Variants in LRMDA observed in about 807,000 individuals in gnomAD.
The protein encoded by LRMDA is leucine rich melanocyte differentiation associated.
In LRMDA, 18 loss-of-function variants were observed where a neutral mutation model predicts 29.8. That is an observed-to-expected ratio of 0.60 (90% CI 0.42 to 0.90). The LOEUF is 0.90. Ranked by LOEUF, LRMDA falls within the 40% of genes least tolerant of loss-of-function variation. LRMDA has a pLI of 0.00. For missense variants in LRMDA, 273 were observed against 273.9 expected (o/e 1.00, Z 0.02); for synonymous variants, 125 against 109.4 (o/e 1.14, Z -0.89).
intron 6 of LRMDA, among the ~76,000 whole-genome samples, chr10:76,518,280 C>CATCTATCTATCTATCTATCT (rs10568061): frequency 1.3e-4 from 19 of 146,676 alleles, no homozygotes; most frequent in South Asian, 2.2e-4. Context: ...ATTTATCTAT[C>CATCTATCTATCTATCTATCT]ATCTATCTAT....
chr10:75,534,040 C>A (rs1463597338), intron 2 of LRMDA, among the ~76,000 whole-genome samples: 1 of 152,122 alleles, frequency 6.6e-6, no homozygotes, highest in African/African-American at 2.4e-5. Flanking sequence ...TCCTATAGAA[C>A]CCAGTTTCAA....
intron 5 of LRMDA, among the ~76,000 whole-genome samples, chr10:76,197,845 A>G (rs1738308477): frequency 6.6e-6 from 1 of 151,910 alleles, no homozygotes; most frequent in African/African-American, 2.4e-5. Flanking sequence ...GCTTGAACCC[A>G]GGAGGCAGAG....
chr10:75,444,602 GC>G (rs1383554331), intron 2 of LRMDA, among the ~76,000 whole-genome samples: 1 of 152,166 alleles, frequency 6.6e-6, no homozygotes. Flanking sequence ...CAGGCAGGGG[GC>G]ATGACATTTT....
chr10:75,470,423 G>C (rs991980536), intron 2 of LRMDA, among the ~76,000 whole-genome samples: 7 of 152,338 alleles, frequency 4.6e-5, no homozygotes, highest in Non-Finnish European at 8.8e-5. Context: ...CTTGAACCCA[G>C]GAGGTGGAGG....
At chr10:76,231,219 T>G (rs982127246) in intron 5 of LRMDA, among the ~76,000 whole-genome samples, 1 of 152,226 alleles carries the variant, frequency 6.6e-6, no homozygotes, top group Admixed American at 6.5e-5. Flanking sequence ...TGCTGGTTTT[T>G]ATATTTGAGA....
intron 6 of LRMDA, among the ~76,000 whole-genome samples, chr10:76,476,515 A>G (rs1044322219): frequency 6.6e-6 from 1 of 152,188 alleles, no homozygotes; most frequent in African/African-American, 2.4e-5. Context: ...ATTCCAATCA[A>G]TAGAAAAAGA....
At chr10:75,731,788 C>G (rs987173618) in intron 2 of LRMDA, among the ~76,000 whole-genome samples, 3 of 152,210 alleles carry the variant, frequency 2.0e-5, no homozygotes, top group Admixed American at 6.5e-5. Context: ...CAGGGCCTGG[C>G]ACATGGGTGG....
chr10:76,538,163 C>G (rs1423741619), intron 6 of LRMDA, among the ~76,000 whole-genome samples: 1 of 151,810 alleles, frequency 6.6e-6, no homozygotes, highest in East Asian at 1.9e-4. Flanking sequence ...TCCATCCTTT[C>G]CAATTTATTT....
chr10:75,677,087 T>G (rs939056021), intron 2 of LRMDA, among the ~76,000 whole-genome samples: 1 of 152,224 alleles, frequency 6.6e-6, no homozygotes, highest in African/African-American at 2.4e-5. Flanking sequence ...CTGGACTGCA[T>G]TGCAGAAAAG....
At chr10:76,533,039 T>G (rs1215561748) in intron 6 of LRMDA, among the ~76,000 whole-genome samples, 2 of 152,162 alleles carry the variant, frequency 1.3e-5, no homozygotes, top group Non-Finnish European at 2.9e-5. Context: ...TAATAACAAA[T>G]AAATTTCTTA....
At chr10:75,843,570 C>T (rs1053260995) in intron 2 of LRMDA, among the ~76,000 whole-genome samples, 1 of 152,174 alleles carries the variant, frequency 6.6e-6, no homozygotes, top group African/African-American at 2.4e-5. Flanking sequence ...GATTATCAGA[C>T]ACTCAGCTGT....
At chr10:75,924,452 G>A (rs942488537) in intron 2 of LRMDA, among the ~76,000 whole-genome samples, 1 of 151,948 alleles carries the variant, frequency 6.6e-6, no homozygotes, top group African/African-American at 2.4e-5. Flanking sequence ...ACTGATGGAT[G>A]GCTTGTCAAA....
At chr10:75,545,528 T>C (rs1328067930) in intron 2 of LRMDA, among the ~76,000 whole-genome samples, 4 of 152,200 alleles carry the variant, frequency 2.6e-5, no homozygotes, top group Non-Finnish European at 4.4e-5. Flanking sequence ...GTGGACATAA[T>C]AGGTGTCTGG....
chr10:75,614,725 T>A (rs1841077370), intron 2 of LRMDA, among the ~76,000 whole-genome samples: 1 of 152,138 alleles, frequency 6.6e-6, no homozygotes, highest in Non-Finnish European at 1.5e-5. Flanking sequence ...AATAGCTGTG[T>A]TACTCATGAT....
In LRMDA at chr10:75,715,006, G is replaced by A. The variant is rs189736959; in HGVS notation, c.131+276512G>A. On this transcript the variant is annotated intron_variant, in intron 2 of 6. Transcript: ENST00000611255. Reference sequence around the variant, plus strand: ...AACTGGTTTCTTTTTGCCTTTACTGGGAGTTTTGGAGCTTCCATGATATTC... The same window carrying A: ...AACTGGTTTCTTTTTGCCTTTACTGAGAGTTTTGGAGCTTCCATGATATTC... Among the ~76,000 whole-genome samples, 156 of 152,156 alleles carry A rather than the reference G, an allele frequency of 1.0e-3. 1 individual carries two copies. Among genetic ancestry groups the A allele is most frequent in the African/African-American group, 3.5e-3 (147 of 41,510 alleles).
intron 2 of LRMDA, among the ~76,000 whole-genome samples, chr10:76,032,482 C>A (rs941562407): frequency 6.6e-6 from 1 of 152,222 alleles, no homozygotes; most frequent in South Asian, 2.1e-4. Flanking sequence ...CTTAAAAGTT[C>A]TCTCCGTTTG....
At chr10:75,763,083 CA>C (rs1843117938) in intron 2 of LRMDA, among the ~76,000 whole-genome samples, 1 of 152,154 alleles carries the variant, frequency 6.6e-6, no homozygotes, top group Non-Finnish European at 1.5e-5. Context: ...CCAGAATGCT[CA>C]GAGAACAGGG....
intron 2 of LRMDA, among the ~76,000 whole-genome samples, chr10:75,885,348 C>T (rs915349916): frequency 1.3e-5 from 2 of 152,164 alleles, no homozygotes; most frequent in Non-Finnish European, 2.9e-5. Flanking sequence ...CGGATGTGAT[C>T]CTCATCAGAT....
intron 6 of LRMDA, among the ~76,000 whole-genome samples, chr10:76,464,082 G>A (rs1214722619): frequency 6.6e-6 from 1 of 151,798 alleles, no homozygotes; most frequent in Non-Finnish European, 1.5e-5. Context: ...ACCACGCCCA[G>A]CTAATTTTGT....
Sources: allele counts gnomAD v4.1 joint callset (sites outside exome capture counted in the v4.1 genomes callset), GRCh38; gene constraint gnomAD v4.1.1; transcripts MANE v1.5; gene names NCBI Gene and HGNC (gene_info 2026-07-23, HGNC 2026-07-21).